Variants in SNHG17 observed in about 807,000 individuals in gnomAD.
The protein encoded by SNHG17 is small nucleolar RNA host gene 17 (non-protein coding).
intron 2 of SNHG17, chr20:38,432,297 T>G (rs1055816318): frequency 5.1e-6 from 2 of 393,548 alleles, no homozygotes; most frequent in Non-Finnish European, 6.9e-6. Flanking sequence ...ATGCACATAT[T>G]GTTGAATTTG....
intron 1 of SNHG17, chr20:38,435,001 C>T: frequency 8.1e-7 from 1 of 1,230,108 alleles, no homozygotes; most frequent in Non-Finnish European, 1.0e-6. Flanking sequence ...CCGCTCAGCA[C>T]TGCCGCGGCC....
In SNHG17 at chr20:38,426,995, TACACAC is replaced by T. The variant is rs765781057; in HGVS notation, n.381-498_381-493del. On this transcript the variant is annotated intron_variant and non_coding_transcript_variant, in intron 3 of 8. Transcript: ENST00000654008. ...CCCTATCCTGTCCCCAAGTTACACA[TACACAC>T]ACACACACACACACACACACACACA... Among the ~76,000 whole-genome samples the T allele has an allele frequency of 3.9e-3, 489 of 125,646 alleles. 9 individuals are homozygous for T. The highest frequency in any genetic ancestry group is 9.8e-3 in the South Asian group (35 of 3,588). The allele number at this position is 125,646 out of a possible 152,430, so 82.4% of individuals were successfully genotyped here.
intron 1 of SNHG17, chr20:38,434,997 A>T (rs949975834): frequency 2.4e-5 from 29 of 1,229,978 alleles, no homozygotes; most frequent in Non-Finnish European, 2.9e-5. Context: ...TGGCCCGCTC[A>T]GCACTGCCGC....
chr20:38,429,788 A>T (rs1199121593), intron 3 of SNHG17: 1 of 517,334 alleles, frequency 1.9e-6, no homozygotes, highest in Non-Finnish European at 3.9e-6. Flanking sequence ...GCTCATGATC[A>T]CTTTCGAATG....
intron 3 of SNHG17, chr20:38,430,668 A>G (rs1193963576): frequency 6.6e-6 from 1 of 152,338 alleles, no homozygotes; most frequent in Non-Finnish European, 1.5e-5. Flanking sequence ...GGAGGGTATC[A>G]ATATTGGCTA....
chr20:38,426,879 C>T (rs2084256562), intron 3 of SNHG17, among the ~76,000 whole-genome samples: 1 of 150,494 alleles, frequency 6.6e-6, no homozygotes, highest in Non-Finnish European at 1.5e-5. Context: ...CTGTGCTCCC[C>T]TTGCAGCAAT....
exon 6 of SNHG17, chr20:38,422,170 C>T (rs3752278): frequency 0.23 from 35,194 of 152,288 alleles, 5,108 homozygotes; most frequent in African/African-American, 0.42. Context: ...CAGGACAGAA[C>T]GTGGAACCAC....
intron 2 of SNHG17, among the ~76,000 whole-genome samples, chr20:38,431,697 G>A (rs1024188293): frequency 6.6e-6 from 1 of 152,158 alleles, no homozygotes; most frequent in Non-Finnish European, 1.5e-5. Flanking sequence ...CCAAAGCTAG[G>A]GAGTAGTGGT....
exon 1 of SNHG17, chr20:38,435,304 G>A (rs6128072): frequency 8.1e-7 from 1 of 1,231,416 alleles, no homozygotes; most frequent in Non-Finnish European, 1.0e-6. Context: ...CGATGGCGAA[G>A]GACGGCGAGG....
exon 5 of SNHG17, chr20:38,425,961 G>A (rs757967917): frequency 2.7e-5 from 4 of 150,640 alleles, no homozygotes; most frequent in Non-Finnish European, 5.9e-5. Flanking sequence ...TCAGGAAGCT[G>A]AGGTGGAGGA....
intron 1 of SNHG17, chr20:38,435,123 GC>G: frequency 8.1e-7 from 1 of 1,232,308 alleles, no homozygotes; most frequent in Non-Finnish European, 1.0e-6. Flanking sequence ...GACCTCTCTG[GC>G]CGCCTTCCCC....
intron 2 of SNHG17, among the ~76,000 whole-genome samples, chr20:38,431,329 A>G (rs2122722750): frequency 6.6e-6 from 1 of 152,372 alleles, no homozygotes; most frequent in African/African-American, 2.4e-5. Context: ...ACACAAGAGG[A>G]AAACCTTGTA....
At chr20:38,425,219 G>C (rs911263832) in intron 5 of SNHG17, 1 of 519,044 alleles carries the variant, frequency 1.9e-6, no homozygotes, top group Non-Finnish European at 3.8e-6. Flanking sequence ...TCCAGAGTTT[G>C]GAAGGGATAG....
intron 5 of SNHG17, among the ~76,000 whole-genome samples, chr20:38,423,550 T>TAAAAAA (rs34484602): frequency 4.8e-5 from 6 of 125,040 alleles, no homozygotes; most frequent in African/African-American, 1.8e-4. Flanking sequence ...TGTGCAATGT[T>TAAAAAA]AAAAAAAAAA....
chr20:38,434,111 T>C (rs1338930766), intron 2 of SNHG17: 1 of 438,244 alleles, frequency 2.3e-6, no homozygotes, highest in Non-Finnish European at 4.5e-6. Flanking sequence ...CATCATCACT[T>C]CACAGGCAGA....
chr20:38,429,715 A>G (rs200130866), intron 3 of SNHG17: 24 of 511,258 alleles, frequency 4.7e-5, no homozygotes, highest in Non-Finnish European at 6.2e-5. Flanking sequence ...TGGACCCTCC[A>G]AACACGGGGA....
At chr20:38,422,267 CA>C (rs1344747315) in intron 5 of SNHG17, 2 of 146,808 alleles carry the variant, frequency 1.4e-5, no homozygotes, top group African/African-American at 5.3e-5. Context: ...AAACATATTC[CA>C]GACAACAGTC....
At chr20:38,421,488 T>C (rs1479885122) in intron 6 of SNHG17, 2 of 152,166 alleles carry the variant, frequency 1.3e-5, no homozygotes, top group Non-Finnish European at 2.9e-5. Flanking sequence ...CATTCCAGCG[T>C]GGGGCCCAGA....
intron 3 of SNHG17, chr20:38,427,249 T>G (rs2084265126): frequency 2.3e-6 from 1 of 426,630 alleles, no homozygotes; most frequent in African/African-American, 2.0e-5. Context: ...GCACTGACTT[T>G]CATGTGGCAG....
Sources: allele counts gnomAD v4.1 joint callset (sites outside exome capture counted in the v4.1 genomes callset), GRCh38; gene constraint gnomAD v4.1.1; transcripts MANE v1.5; gene names NCBI Gene and HGNC (gene_info 2026-07-23, HGNC 2026-07-21).